Variants in EPHB1 observed in about 807,000 individuals in gnomAD.
The protein encoded by EPHB1 is ephrin type-B receptor 1.
Under a neutral mutation model 94.4 loss-of-function variants are expected in EPHB1, and 30 were observed. The observed-to-expected ratio is 0.32, with a 90% CI of 0.24 to 0.43. The LOEUF is 0.43. Ranked by LOEUF, EPHB1 falls within the 20% of genes least tolerant of loss-of-function variation. The pLI is 1.00. For missense variants in EPHB1, 1,055 were observed against 1,308.3 expected (o/e 0.81, Z 2.99); for synonymous variants, 522 against 489.1 (o/e 1.07, Z -0.89).
intron 1 of EPHB1, among the ~76,000 whole-genome samples, chr3:134,913,956 G>A (rs547048808): frequency 1.2e-3 from 188 of 152,344 alleles, no homozygotes; most frequent in African/African-American, 4.3e-3. Context: ...TCTAGCTAGA[G>A]AGAAGTCCAT....
chr3:135,206,210 C>T (rs1271026851), intron 12 of EPHB1, among the ~76,000 whole-genome samples: 1 of 152,030 alleles, frequency 6.6e-6, no homozygotes, highest in Non-Finnish European at 1.5e-5. Context: ...GAGTTTGTTC[C>T]TTTTATTGCT....
chr3:135,133,792 A>G (rs1300644877), intron 5 of EPHB1, among the ~76,000 whole-genome samples: 2 of 152,062 alleles, frequency 1.3e-5, no homozygotes, highest in Non-Finnish European at 1.5e-5. Flanking sequence ...TCTCTTTATT[A>G]CTTTTCACAG....
At chr3:134,898,346 T>A (rs2038127096) in intron 1 of EPHB1, among the ~76,000 whole-genome samples, 1 of 152,108 alleles carries the variant, frequency 6.6e-6, no homozygotes, top group Non-Finnish European at 1.5e-5. Flanking sequence ...CATGGCAGGA[T>A]GGGGCTGAGA....
At position 135,259,021 on chromosome 3, in the gene EPHB1, G is replaced by T; in HGVS notation, c.2856G>T (p.Leu952=). ...GGCTCTTTCCTCCTAGAGACCTCCT[G>T]AGAATAGGCATCACCTTGGCAGGCC... ...LVTQMTSEDL[L]RIGITLAGHQ... The change falls in exon 16 of 16, where the codon CTG becomes CTT. Residue 952 remains leucine, a synonymous_variant. Coordinates refer to ENST00000398015, the MANE Select transcript of EPHB1 (RefSeq NM_004441.5). 7 of 1,606,888 alleles carry T rather than the reference G, an allele frequency of 4.4e-6. No individual in the cohort carries two copies. The highest frequency in any genetic ancestry group is 5.9e-6 in the Non-Finnish European group (7 of 1,176,738).
At chr3:135,035,729 A>ATC (rs1936621978) in intron 3 of EPHB1, among the ~76,000 whole-genome samples, 1 of 152,216 alleles carries the variant, frequency 6.6e-6, no homozygotes. Context: ...CTACTCCAGC[A>ATC]TCTCCTGCCA....
chr3:134,979,749 A>G (rs1015061392), intron 3 of EPHB1, among the ~76,000 whole-genome samples: 6 of 151,396 alleles, frequency 4.0e-5, no homozygotes, highest in African/African-American at 1.5e-4. Flanking sequence ...GGAGCAACCC[A>G]TTGTAAGTCG....
chr3:135,057,404 T>C (rs1205201487), intron 3 of EPHB1, among the ~76,000 whole-genome samples: 1 of 152,132 alleles, frequency 6.6e-6, no homozygotes, highest in Non-Finnish European at 1.5e-5. Flanking sequence ...GCCTCTCTTC[T>C]CTTCTTTTTC....
At chr3:135,198,247 C>T (rs1320794280) in intron 11 of EPHB1, among the ~76,000 whole-genome samples, 2 of 152,200 alleles carry the variant, frequency 1.3e-5, no homozygotes, top group African/African-American at 2.4e-5. Flanking sequence ...CCATTCTGAA[C>T]TTTGATTACT....
In EPHB1 at chr3:135,248,424, C is replaced by T. The variant is rs770160653; in HGVS notation, c.2605C>T (p.Pro869Ser). 2.5e-6 allele frequency: 4 copies of T among 1,613,874 alleles called. No homozygotes were observed. In the South Asian group the frequency reaches 3.3e-5, roughly 13 times the overall value. Residue 869 changes from proline (P) to serine (S), a missense_variant, in exon 14 of 16, where the codon CCC becomes TCC. Transcript: ENST00000398015. The stretch of plus-strand genomic sequence containing the variant: ...TTGGCAGAAGGACCGGAACAGCCGG[C>T]CCCGGTTTGCGGAGATTGTCAACAC... ...DCWQKDRNSR[P>S]RFAEIVNTLD...
intron 1 of EPHB1, among the ~76,000 whole-genome samples, chr3:134,893,824 G>C (rs959866711): frequency 7.2e-5 from 11 of 152,232 alleles, no homozygotes; most frequent in Non-Finnish European, 1.0e-4. Context: ...ACCGTAAACT[G>C]TGTGGGAGTT....
At position 135,173,358 on chromosome 3, in the gene EPHB1, C is replaced by T. The variant is rs528896848; in HGVS notation, c.1759+6352C>T. On this transcript the variant is annotated intron_variant, in intron 9 of 15. Transcript: ENST00000398015. ...CTGAAATAGTTTCTTTAAGAGGAAG[C>T]AGCTATGGTCTACTTTCCTTCTTTG... Among the ~76,000 whole-genome samples the T allele has an allele frequency of 6.6e-5, 10 of 152,300 alleles. No homozygotes were observed. In the South Asian group the frequency reaches 2.1e-3, roughly 32 times the overall value.
intron 1 of EPHB1, among the ~76,000 whole-genome samples, chr3:134,809,709 G>A (rs918146467): frequency 6.6e-5 from 10 of 152,292 alleles, no homozygotes; most frequent in Admixed American, 2.0e-4. Flanking sequence ...ACAGCATCAC[G>A]TGGATTCTGA....
At chr3:134,859,562 G>C (rs925388868) in intron 1 of EPHB1, among the ~76,000 whole-genome samples, 5 of 152,110 alleles carry the variant, frequency 3.3e-5, no homozygotes, top group Non-Finnish European at 1.5e-5. Flanking sequence ...AGACCCCGTT[G>C]AGCCTTCTGC....
chr3:134,999,564 A>G (rs765920035), intron 3 of EPHB1, among the ~76,000 whole-genome samples: 10 of 152,182 alleles, frequency 6.6e-5, no homozygotes, highest in Non-Finnish European at 1.5e-4. Flanking sequence ...GTGAGAAGGA[A>G]AGACGGTGAG....
At chr3:134,860,392 G>A (rs1274922124) in intron 1 of EPHB1, among the ~76,000 whole-genome samples, 2 of 152,150 alleles carry the variant, frequency 1.3e-5, no homozygotes, top group African/African-American at 4.8e-5. Context: ...AGGCTGGTTG[G>A]AGACATGGAA....
intron 11 of EPHB1, among the ~76,000 whole-genome samples, chr3:135,197,119 C>CAA (rs1356912772): frequency 6.7e-6 from 1 of 149,180 alleles, no homozygotes; most frequent in African/African-American, 2.5e-5. Flanking sequence ...AAAAAAAAGA[C>CAA]AAAAAAAATA....
chr3:134,949,137 G>A (rs1403580937), intron 2 of EPHB1, among the ~76,000 whole-genome samples: 2 of 152,244 alleles, frequency 1.3e-5, no homozygotes, highest in Middle Eastern at 3.4e-3. Context: ...CTGGTGCTGA[G>A]ACTATCCAGG....
intron 1 of EPHB1, among the ~76,000 whole-genome samples, chr3:134,874,568 C>T (rs939468859): frequency 1.3e-5 from 2 of 152,166 alleles, no homozygotes; most frequent in Non-Finnish European, 2.9e-5. Context: ...AAACATTACC[C>T]ACTGCACTGC....
intron 3 of EPHB1, among the ~76,000 whole-genome samples, chr3:135,077,379 C>G (rs1937974057): frequency 6.6e-6 from 1 of 152,236 alleles, no homozygotes; most frequent in South Asian, 2.1e-4. Context: ...TCTCTGAACC[C>G]CTCAGCCACC....
Sources: allele counts gnomAD v4.1 joint callset (sites outside exome capture counted in the v4.1 genomes callset), GRCh38; gene constraint gnomAD v4.1.1; transcripts MANE v1.5; gene names NCBI Gene and HGNC (gene_info 2026-07-23, HGNC 2026-07-21).